Variants in CD82 observed in about 807,000 individuals in gnomAD.
The protein encoded by CD82 is CD82 antigen.
In CD82, 36 loss-of-function variants were observed where a neutral mutation model predicts 37.4. That is an observed-to-expected ratio of 0.96 (90% CI 0.74 to 1.27). The LOEUF is 1.27. CD82 is among the 50% of genes most tolerant of loss of function. CD82 has a pLI of 0.00. For missense variants in CD82, 340 were observed against 347.0 expected, an observed-to-expected ratio of 0.98 and a Z score of 0.16; for synonymous variants, 158 against 137.4, an observed-to-expected ratio of 1.15 and a Z score of -1.05.
intron 1 of CD82, among the ~76,000 whole-genome samples, chr11:44,568,597 G>T (rs1852771156): frequency 6.6e-6 from 1 of 152,196 alleles, no homozygotes; most frequent in Non-Finnish European, 1.5e-5. Flanking sequence ...GGGGTGAGAG[G>T]TCAGCCATGT....
intron 4 of CD82, among the ~76,000 whole-genome samples, chr11:44,603,211 G>A (rs1237247345): frequency 6.6e-6 from 1 of 152,190 alleles, no homozygotes; most frequent in Non-Finnish European, 1.5e-5. Context: ...GGAAGGTGGG[G>A]GGCTCCTGTG....
At position 44,587,466 on chromosome 11, in the gene CD82, G is replaced by A. The variant is rs1853073352; in HGVS notation, c.-102-9G>A. On this transcript the variant is annotated splice_polypyrimidine_tract_variant and intron_variant, in intron 1 of 9. Coordinates refer to ENST00000227155, the MANE Select transcript of CD82 (RefSeq NM_002231.4). ...ACAGGAGTGACGAGATCTGGGTCGTGTTTTTCAGAGTCCTCCCTGCTGCTG... is the reference window on the plus strand; with the variant it reads ...ACAGGAGTGACGAGATCTGGGTCGTATTTTTCAGAGTCCTCCCTGCTGCTG... The A allele has an allele frequency of 2.2e-6, 1 of 456,334 alleles. No homozygotes were observed. Among genetic ancestry groups the A allele is most frequent in the Non-Finnish European group, 4.4e-6 (1 of 226,970 alleles). The allele number at this position is 456,334 out of a possible 1,614,324, so 28.3% of individuals were successfully genotyped here.
At chr11:44,586,891 G>A (rs1853063206) in intron 1 of CD82, among the ~76,000 whole-genome samples, 1 of 152,216 alleles carries the variant, frequency 6.6e-6, no homozygotes, top group Admixed American at 6.5e-5. Flanking sequence ...GAAACAGGGT[G>A]AGTGGCACAG....
intron 3 of CD82, chr11:44,594,930 C>T (rs1853200445): frequency 1.7e-6 from 1 of 586,794 alleles, no homozygotes; most frequent in African/African-American, 1.9e-5. Context: ...TGACCAAGCA[C>T]TGGATTCCTG....
At chr11:44,564,556 G>A (rs1852699666), upstream of CD82, 3 of 452,910 alleles carry the variant, frequency 6.6e-6, no homozygotes, top group Non-Finnish European at 1.3e-5. Flanking sequence ...GGGCTGGGAC[G>A]CAGGGTGGGC....
intron 1 of CD82, among the ~76,000 whole-genome samples, chr11:44,584,282 A>T (rs958425512): frequency 1.7e-4 from 26 of 152,094 alleles, no homozygotes; most frequent in Non-Finnish European, 3.7e-4. Context: ...GAAGCCTAGG[A>T]TTCTGTTTTT....
chr11:44,575,118 C>T (rs988765386), intron 1 of CD82, among the ~76,000 whole-genome samples: 13 of 152,284 alleles, frequency 8.5e-5, no homozygotes, highest in African/African-American at 1.9e-4. Context: ...GGTGGGGGAG[C>T]GTTCTGTCTG....
intron 1 of CD82, among the ~76,000 whole-genome samples, chr11:44,587,039 G>A (rs1565084566): frequency 6.6e-6 from 1 of 152,194 alleles, no homozygotes; most frequent in African/African-American, 2.4e-5. Flanking sequence ...GTCTCCTGGG[G>A]AGCCCAGCCC....
chr11:44,593,409 GC>G (rs1853174053), intron 2 of CD82, among the ~76,000 whole-genome samples: 1 of 152,220 alleles, frequency 6.6e-6, no homozygotes, highest in South Asian at 2.1e-4. Flanking sequence ...CCAGGCCCCA[GC>G]TGCCCGGCGG....
chr11:44,576,849 G>A (rs1032740573), intron 1 of CD82, among the ~76,000 whole-genome samples: 3 of 152,188 alleles, frequency 2.0e-5, no homozygotes, highest in African/African-American at 7.2e-5. Context: ...AGAGGATGAG[G>A]ATGACAGGGC....
At chr11:44,566,816 G>T (rs990756511) in intron 1 of CD82, among the ~76,000 whole-genome samples, 2 of 151,912 alleles carry the variant, frequency 1.3e-5, no homozygotes, top group African/African-American at 4.8e-5. Context: ...TTGGAGAGAT[G>T]GGGTTGGCTA....
intron 2 of CD82, among the ~76,000 whole-genome samples, chr11:44,593,188 T>C (rs372316935): frequency 1.1e-3 from 167 of 152,252 alleles, no homozygotes; most frequent in African/African-American, 4.0e-3. Context: ...CAGAAAAGAG[T>C]AGGGAACCTG....
chr11:44,618,755 C>T (rs745591831), intron 9 of CD82, 32 bp downstream of exon 9: 2 of 1,564,532 alleles, frequency 1.3e-6, no homozygotes, highest in Non-Finnish European at 8.8e-7. Flanking sequence ...CCTTCTCCAT[C>T]CCAGGTCCTC....
intron 1 of CD82, among the ~76,000 whole-genome samples, chr11:44,575,815 G>T (rs1852883041): frequency 6.6e-6 from 1 of 152,186 alleles, no homozygotes; most frequent in South Asian, 2.1e-4. Flanking sequence ...CTGTGCAGGA[G>T]GACAAGAGGA....
intron 1 of CD82, among the ~76,000 whole-genome samples, chr11:44,583,352 C>G (rs780998255): frequency 2.6e-5 from 4 of 152,226 alleles, no homozygotes; most frequent in Non-Finnish European, 5.9e-5. Context: ...CTTTCTTTAT[C>G]TAAAGGCCCT....
intron 1 of CD82, among the ~76,000 whole-genome samples, chr11:44,572,354 A>G (rs1186323354): frequency 6.6e-6 from 1 of 152,266 alleles, no homozygotes. Context: ...TTCCAAATCT[A>G]CAGTGAGCCC....
chr11:44,579,284 C>T (rs906994700), intron 1 of CD82, among the ~76,000 whole-genome samples: 4 of 151,908 alleles, frequency 2.6e-5, no homozygotes, highest in Non-Finnish European at 4.4e-5. Context: ...CCCATTCCTT[C>T]GGAGGTCACA....
intron 1 of CD82, among the ~76,000 whole-genome samples, chr11:44,574,743 C>T (rs1218508819): frequency 6.6e-6 from 1 of 152,070 alleles, no homozygotes; most frequent in African/African-American, 2.4e-5. Context: ...GGGATTGTAC[C>T]ACACAAACCA....
At chr11:44,588,994 C>T (rs115685015) in intron 2 of CD82, among the ~76,000 whole-genome samples, 3,887 of 152,304 alleles carry the variant, frequency 0.026, 150 homozygotes, top group African/African-American at 0.087. Flanking sequence ...CGGTGGCTCA[C>T]GCCTATAATC....
Sources: allele counts gnomAD v4.1 joint callset (sites outside exome capture counted in the v4.1 genomes callset), GRCh38; gene constraint gnomAD v4.1.1; transcripts MANE v1.5; gene names NCBI Gene and HGNC (gene_info 2026-07-23, HGNC 2026-07-21).